Variants in CNTN6 observed in about 807,000 individuals in gnomAD.
CNTN6 encodes contactin 6.
CNTN6 carries 137 observed loss-of-function variants against 122.8 expected under a neutral mutation model. That is an observed-to-expected ratio of 1.12 (90% confidence interval 0.97 to 1.29). The LOEUF (loss-of-function observed/expected upper bound fraction) is 1.29. Ranked by LOEUF, CNTN6 falls within the 50% of genes most tolerant of loss-of-function variation. CNTN6 has a pLI of 0.00. For missense variants in CNTN6, 1,634 were observed against 1,223.4 expected, an observed-to-expected ratio of 1.34 and a Z score of -5.01; for synonymous variants, 570 against 426.0, an observed-to-expected ratio of 1.34 and a Z score of -4.16.
chr3:1,237,578 A>G (rs1325427595), intron 4 of CNTN6, among the ~76,000 whole-genome samples: 1 of 152,198 alleles, frequency 6.6e-6, no homozygotes, highest in Non-Finnish European at 1.5e-5. Flanking sequence ...CAAAAAGATA[A>G]TCACCTAGGC....
intron 12 of CNTN6, among the ~76,000 whole-genome samples, chr3:1,360,768 T>C (rs1707344666): frequency 6.6e-6 from 1 of 152,072 alleles, no homozygotes; most frequent in African/African-American, 2.4e-5. Context: ...TTCAACAGCC[T>C]ATTTTATCAT....
intron 16 of CNTN6, among the ~76,000 whole-genome samples, chr3:1,374,410 GT>G (rs1300181639): frequency 6.6e-6 from 1 of 152,090 alleles, no homozygotes; most frequent in Admixed American, 6.6e-5. Flanking sequence ...TCATTAAAAT[GT>G]TGTAGCCAGG....
intron 1 of CNTN6, 72 bp from the exon 2 acceptor site, chr3:1,147,855 C>A (rs917409707): frequency 1.6e-5 from 8 of 513,510 alleles, no homozygotes; most frequent in Admixed American, 9.3e-5. Flanking sequence ...AATTAATATG[C>A]AACAAAAATA....
chr3:1,383,272 A>ATGTCT, intron 18 of CNTN6, 21 bp from the exon 19 acceptor site: 1 of 1,603,406 alleles, frequency 6.2e-7, no homozygotes, highest in Admixed American at 1.7e-5. Context: ...AAAGATGGTT[A>ATGTCT]TGTCTTTCTC....
chr3:1,142,914 ATAT>A (rs1305014775), intron 1 of CNTN6, among the ~76,000 whole-genome samples: 2 of 150,518 alleles, frequency 1.3e-5, no homozygotes, highest in African/African-American at 2.4e-5. Context: ...ATGCATATAC[ATAT>A]TATAGACAGA....
At position 1,375,313 on chromosome 3, in the gene CNTN6, T is replaced by C. The variant is rs564739555; in HGVS notation, c.2095+1240T>C. 1.1e-4 allele frequency among the ~76,000 whole-genome samples: 17 copies of C among 152,180 alleles called. 1 individual carries two copies. In the South Asian group the frequency reaches 2.3e-3, roughly 20 times the overall value. ...TTGTGTGCCACCTTCTAACCATTAA[T>C]ACTCTCTTGTTTCAGTAGCAGAATG... On this transcript the variant is annotated intron_variant, in intron 16 of 22. Transcript: ENST00000446702.
intron 2 of CNTN6, among the ~76,000 whole-genome samples, chr3:1,191,252 T>C (rs2093698099): frequency 6.6e-6 from 1 of 152,104 alleles, no homozygotes; most frequent in Middle Eastern, 3.2e-3. Context: ...GTTCTAATGA[T>C]GTGACTCATG....
intron 1 of CNTN6, among the ~76,000 whole-genome samples, chr3:1,146,505 A>G (rs1388113942): frequency 6.6e-6 from 1 of 152,160 alleles, no homozygotes; most frequent in Non-Finnish European, 1.5e-5. Context: ...TCAGCTAAAA[A>G]ATGCTAACTG....
rs752071699 is a variant in CNTN6, at chr3:1,321,752, A to G, written c.864A>G (p.Gln288=). 6.8e-6 allele frequency: 11 copies of G among 1,611,956 alleles called. No homozygotes were observed. The Admixed American group carries it at 1.5e-4, about 22-fold the overall frequency. ...CTATCCTTGAAATCCCGAACTTCCA[A>G]CAAGAAGATGAAGGCTTTTATGAGT... is the stretch of plus-strand genomic sequence containing the variant. ...SQAILEIPNF[Q]QEDEGFYECI... Residue 288 remains glutamine, a synonymous_variant, in exon 8 of 23, where the codon CAA becomes CAG. Coordinates refer to ENST00000446702, the MANE Select transcript of CNTN6 (RefSeq NM_001289080.2).
At chr3:1,182,158 A>T (rs2093564500) in intron 2 of CNTN6, among the ~76,000 whole-genome samples, 2 of 152,112 alleles carry the variant, frequency 1.3e-5, no homozygotes, top group Non-Finnish European at 2.9e-5. Context: ...TCTTCTAAAC[A>T]TCTTGTTCAG....
rs746615954 is a variant in CNTN6, at chr3:1,402,496, G to A, written c.2986+10G>A. 1.8e-5 allele frequency: 29 copies of A among 1,602,360 alleles called. No individual in the cohort carries two copies. In the African/African-American group the frequency reaches 3.1e-4, roughly 17 times the overall value. ...ATTCCAAAAATGTCAAGTAAGTTGA[G>A]TCACCATTGCTGTAGTAGATTCTGA... On this transcript the variant is annotated intron_variant, in intron 22 of 22. Transcript: ENST00000446702.
intron 12 of CNTN6, among the ~76,000 whole-genome samples, chr3:1,372,024 T>C (rs1709084765): frequency 6.6e-6 from 1 of 152,184 alleles, no homozygotes; most frequent in South Asian, 2.1e-4. Flanking sequence ...GCATCCTGTA[T>C]ATATGGAATG....
chr3:1,388,044 C>T (rs927197898), intron 20 of CNTN6, among the ~76,000 whole-genome samples: 8 of 151,034 alleles, frequency 5.3e-5, no homozygotes, highest in South Asian at 2.1e-4. Flanking sequence ...GAAGCTCCAA[C>T]TGGGTGGAGC....
intron 4 of CNTN6, among the ~76,000 whole-genome samples, chr3:1,244,585 C>A (rs2094533368): frequency 1.3e-5 from 2 of 152,168 alleles, no homozygotes; most frequent in African/African-American, 2.4e-5. Flanking sequence ...ATTGATCTCC[C>A]AAGGGATGTC....
At chr3:1,297,737 GA>G (rs1696512400) in intron 6 of CNTN6, 151 bp from the exon 7 acceptor site, 1 of 530,100 alleles carries the variant, frequency 1.9e-6, no homozygotes, top group African/African-American at 2.0e-5. Context: ...TGAAAACACA[GA>G]AGCATTTTAG....
intron 5 of CNTN6, among the ~76,000 whole-genome samples, chr3:1,292,385 G>C (rs927306411): frequency 2.0e-4 from 30 of 151,986 alleles, no homozygotes; most frequent in African/African-American, 6.5e-4. Flanking sequence ...TTTATCTCTT[G>C]ATAAACTTGA....
chr3:1,173,375 C>T (rs2093395459), intron 2 of CNTN6: 1 of 447,578 alleles, frequency 2.2e-6, no homozygotes, highest in African/African-American at 2.0e-5. Flanking sequence ...ACAGCATGTG[C>T]TCGATATTGA....
chr3:1,111,022 G>A (rs900451482), intron 1 of CNTN6, among the ~76,000 whole-genome samples: 1 of 152,134 alleles, frequency 6.6e-6, no homozygotes, highest in Non-Finnish European at 1.5e-5. Context: ...TTTTTCCTAT[G>A]TGTAAAATTG....
At chr3:1,113,022 G>A (rs1002032172) in intron 1 of CNTN6, among the ~76,000 whole-genome samples, 22 of 152,080 alleles carry the variant, frequency 1.4e-4, no homozygotes, top group African/African-American at 2.4e-4. Context: ...TACTTGTTAC[G>A]TTCCAGGCAA....
Sources: gnomAD v4.1 joint callset for allele counts (sites outside exome capture counted in the v4.1 genomes callset) on GRCh38, gnomAD v4.1.1 for gene constraint, MANE v1.5 for transcripts, NCBI Gene and HGNC (gene_info 2026-07-23, HGNC 2026-07-21) for gene names.